Variants in ELAPOR2 observed in about 807,000 individuals in gnomAD.
The protein encoded by ELAPOR2 is endosome-lysosome associated apoptosis and autophagy regulator family member 2, also known as endosome/lysosome-associated apoptosis and autophagy regulator family member 2.
A neutral mutation model predicts 120.7 loss-of-function variants in ELAPOR2; 89 were observed. The observed-to-expected ratio is 0.74, with a 90% CI of 0.62 to 0.88. The LOEUF is 0.88. Among genes scored for constraint, ELAPOR2 ranks in the 40% least tolerant of loss-of-function variants. The pLI is 0.00. For synonymous variants in ELAPOR2, 444 were observed against 444.9 expected, an observed-to-expected ratio of 1.00 and a Z score of 0.03; for missense variants, 1,134 against 1,251.6, an observed-to-expected ratio of 0.91 and a Z score of 1.42.
intron 18 of ELAPOR2, among the ~76,000 whole-genome samples, chr7:86,903,112 C>A (rs969364445): frequency 3.5e-4 from 53 of 152,138 alleles, no homozygotes; most frequent in African/African-American, 1.3e-3. Flanking sequence ...CCTTAGTTTT[C>A]TCTTCAGATT....
intron 19 of ELAPOR2, 78 bp downstream of exon 19, chr7:86,897,428 G>T: frequency 6.6e-7 from 1 of 1,512,782 alleles, no homozygotes. Context: ...CCATACTTCT[G>T]GACCTGAGTT....
Position 86,960,118 on chromosome 7 carries a change from C to T in ELAPOR2, c.310+4786G>A, listed in dbSNP as rs567772699. On this transcript the variant is annotated intron_variant, in intron 2 of 21. Transcript: ENST00000450689. ...AATTTGTTAAGAATCATTTTGTAAC[C>T]TAGTATATGATTTATCCTGGAGAAT... Among the ~76,000 whole-genome samples, 2 of 152,246 alleles carry T rather than the reference C, an allele frequency of 1.3e-5. 1 individual carries two copies. The highest frequency in any genetic ancestry group is 4.8e-5 in the African/African-American group (2 of 41,546).
chr7:87,052,421 C>T (rs1432623445), intron 1 of ELAPOR2, among the ~76,000 whole-genome samples: 1 of 152,188 alleles, frequency 6.6e-6, no homozygotes, highest in Non-Finnish European at 1.5e-5. Flanking sequence ...TCAATTAACT[C>T]CCACCAGGTC....
At chr7:87,016,736 G>A (rs1185578651) in intron 1 of ELAPOR2, among the ~76,000 whole-genome samples, 7 of 150,750 alleles carry the variant, frequency 4.6e-5, no homozygotes, top group Admixed American at 1.3e-4. Flanking sequence ...CTGTAATCTC[G>A]CCCAGTAACT....
intron 15 of ELAPOR2, among the ~76,000 whole-genome samples, chr7:86,911,400 T>A (rs534900190): frequency 6.6e-6 from 1 of 152,116 alleles, no homozygotes; most frequent in East Asian, 1.9e-4. Flanking sequence ...ATGAAGACAA[T>A]TGAAAATATA....
chr7:87,058,940 T>C (rs1007985172), intron 1 of ELAPOR2, among the ~76,000 whole-genome samples: 1 of 152,000 alleles, frequency 6.6e-6, no homozygotes, highest in African/African-American at 2.4e-5. Flanking sequence ...TGTCTGTGTC[T>C]GGCTCTCTGG....
At chr7:86,918,323 C>CAAAAAAAAAAAAAAAAAAA (rs370415220) in intron 12 of ELAPOR2, 119 bp downstream of exon 12, 1 of 159,090 alleles carries the variant, frequency 6.3e-6, no homozygotes, top group Non-Finnish European at 1.2e-5. Context: ...CTAAGAATAG[C>CAAAAAAAAAAAAAAAAAAA]AAAAAAAAAA....
chr7:86,943,484 A>G (rs1464598926), intron 4 of ELAPOR2, among the ~76,000 whole-genome samples: 2 of 152,008 alleles, frequency 1.3e-5, no homozygotes, highest in Non-Finnish European at 2.9e-5. Flanking sequence ...CTTCTGAGTC[A>G]ATAAATTGCA....
chr7:86,990,927 A>G (rs2116596172), intron 1 of ELAPOR2, among the ~76,000 whole-genome samples: 1 of 152,322 alleles, frequency 6.6e-6, no homozygotes, highest in South Asian at 2.1e-4. Flanking sequence ...TATGGCCACA[A>G]AGCTTGGAAA....
intron 6 of ELAPOR2, among the ~76,000 whole-genome samples, chr7:86,939,306 C>CT (rs1034746263): frequency 2.6e-5 from 4 of 151,988 alleles, no homozygotes; most frequent in East Asian, 3.9e-4. Flanking sequence ...AACCTGTTCC[C>CT]TTTTTTTTCC....
chr7:87,010,741 A>T (rs1253391577), intron 1 of ELAPOR2, among the ~76,000 whole-genome samples: 1 of 152,198 alleles, frequency 6.6e-6, no homozygotes, highest in African/African-American at 2.4e-5. Flanking sequence ...TTAGGGAATA[A>T]TGACAAGAAA....
chr7:87,012,641 T>G (rs1304041581), intron 1 of ELAPOR2, among the ~76,000 whole-genome samples: 1 of 152,180 alleles, frequency 6.6e-6, no homozygotes, highest in Non-Finnish European at 1.5e-5. Flanking sequence ...TGTTCAGTAC[T>G]CTGTTCGGTA....
chr7:86,880,092 C>T lies in ELAPOR2; in HGVS notation c.*379G>A, dbSNP rs1218770151. 2 of 175,852 alleles carry T rather than the reference C, an allele frequency of 1.1e-5. No homozygotes were observed. Among genetic ancestry groups the T allele is most frequent in the African/African-American group, 4.7e-5 (2 of 42,386 alleles). The allele number at this position is 175,852 out of a possible 1,614,324, so 10.9% of individuals were successfully genotyped here. On this transcript the variant is annotated 3_prime_UTR_variant, in exon 22 of 22. Coordinates refer to ENST00000450689, the MANE Select transcript of ELAPOR2 (RefSeq NM_001142749.3). ...AATTGGATCATAATGCATATGCTCA[C>T]ATGTGCCTTCCAAATCACACTTGTT...
At chr7:86,944,451 C>T (rs779735723) in intron 4 of ELAPOR2, among the ~76,000 whole-genome samples, 9 of 151,888 alleles carry the variant, frequency 5.9e-5, no homozygotes, top group Non-Finnish European at 1.2e-4. Context: ...CATAAATACA[C>T]TTAAATAATT....
intron 1 of ELAPOR2, among the ~76,000 whole-genome samples, chr7:86,989,686 C>T (rs1200166570): frequency 6.6e-6 from 1 of 152,138 alleles, no homozygotes; most frequent in Non-Finnish European, 1.5e-5. Flanking sequence ...GCGTCTTCGC[C>T]TCAAGTTTCA....
At chr7:86,907,644 C>T in intron 18 of ELAPOR2, 26 bp downstream of exon 18, 2 of 1,413,318 alleles carry the variant, frequency 1.4e-6, no homozygotes, top group Non-Finnish European at 1.9e-6. Context: ...TCATGGTAAA[C>T]ACAAATCATA....
intron 1 of ELAPOR2, among the ~76,000 whole-genome samples, chr7:87,017,871 G>C (rs982180602): frequency 1.1e-4 from 16 of 151,984 alleles, no homozygotes; most frequent in African/African-American, 3.6e-4. Flanking sequence ...CAGCGACCCA[G>C]GATCTCACCA....
chr7:87,022,442 G>A (rs958422893), intron 1 of ELAPOR2, among the ~76,000 whole-genome samples: 42 of 152,090 alleles, frequency 2.8e-4, no homozygotes, highest in Admixed American at 3.3e-4. Context: ...AGTATTCCAT[G>A]GTGTATATGT....
At chr7:86,935,213 T>A (rs1790512823) in intron 8 of ELAPOR2, among the ~76,000 whole-genome samples, 1 of 152,070 alleles carries the variant, frequency 6.6e-6, no homozygotes, top group Non-Finnish European at 1.5e-5. Flanking sequence ...TATGGCCCTA[T>A]GAAACCATGC....
Sources: gnomAD v4.1 joint callset for allele counts (sites outside exome capture counted in the v4.1 genomes callset) on GRCh38, gnomAD v4.1.1 for gene constraint, MANE v1.5 for transcripts, NCBI Gene and HGNC (gene_info 2026-07-23, HGNC 2026-07-21) for gene names.